ATAT1: variants seen among roughly 807,000 people sequenced by gnomAD.
ATAT1 encodes alpha tubulin acetyltransferase 1.
Under a neutral mutation model 57.2 loss-of-function variants are expected in ATAT1, and 42 were observed. That is an observed-to-expected ratio of 0.73 (90% CI 0.57 to 0.95). The LOEUF is 0.95. ATAT1 is among the 40% of genes least tolerant of loss of function. The pLI, the probability that ATAT1 is intolerant of heterozygous loss-of-function variation, is 0.00. For missense variants in ATAT1, 454 were observed against 523.7 expected (o/e 0.87, Z 1.30); for synonymous variants, 168 against 187.1 (o/e 0.90, Z 0.83).
At position 30,643,289 on chromosome 6, in the gene ATAT1, G is replaced by A. The variant is rs1434548462; in HGVS notation, c.932+278G>A. On this transcript the variant is annotated intron_variant, in intron 10 of 12. Coordinates refer to ENST00000330083, the MANE Select transcript of ATAT1 (RefSeq NM_001031722.4). ...AACACCGAGATCCATCGAGTTGGGGGAACAGAGCCTTCTAAGATTGGGAAA... is the reference window on the plus strand; with the variant it reads ...AACACCGAGATCCATCGAGTTGGGGAAACAGAGCCTTCTAAGATTGGGAAA... 7 of 1,421,740 alleles carry A rather than the reference G, an allele frequency of 4.9e-6. No individual in the cohort carries two copies. The African/African-American group carries it at 7.2e-5, about 15-fold the overall frequency. 88.1% of individuals were successfully genotyped at this position (1,421,740 alleles called of 1,614,324 possible).
At chr6:30,627,390 C>T in intron 1 of ATAT1, 70 bp from the exon 2 acceptor site, 1 of 1,599,894 alleles carries the variant, frequency 6.3e-7, no homozygotes, top group Non-Finnish European at 8.6e-7. Flanking sequence ...GGCCCAGGTT[C>T]CCAGGACTGA....
chr6:30,644,915 T>A (rs1766362830), intron 10 of ATAT1, among the ~76,000 whole-genome samples: 1 of 152,134 alleles, frequency 6.6e-6, no homozygotes, highest in African/African-American at 2.4e-5. Context: ...CCTCATTCCC[T>A]CCAGGAACCT....
intron 6 of ATAT1, among the ~76,000 whole-genome samples, chr6:30,629,015 C>T (rs1762274506): frequency 6.6e-6 from 1 of 151,570 alleles, no homozygotes; most frequent in Non-Finnish European, 1.5e-5. Flanking sequence ...ATACTCCTCC[C>T]TTAGCCTCCT....
At chr6:30,632,261 T>G (rs928387581) in intron 6 of ATAT1, among the ~76,000 whole-genome samples, 2 of 120,878 alleles carry the variant, frequency 1.7e-5, no homozygotes, top group African/African-American at 6.5e-5. Context: ...AGAGCAAGAC[T>G]CCTTCTTAAA....
intron 8 of ATAT1, among the ~76,000 whole-genome samples, chr6:30,641,136 CAA>C (rs1491089629): frequency 6.6e-6 from 1 of 151,968 alleles, no homozygotes; most frequent in Non-Finnish European, 1.5e-5. Flanking sequence ...CACACACACA[CAA>C]ACACACTTAC....
intron 8 of ATAT1, 145 bp downstream of exon 8, chr6:30,640,748 C>A: frequency 2.3e-6 from 2 of 871,650 alleles, no homozygotes; most frequent in Non-Finnish European, 3.5e-6. Context: ...TTTGCCTTTG[C>A]CCTCATGGGA....
At chr6:30,636,455 A>G (rs1764097231) in intron 6 of ATAT1, among the ~76,000 whole-genome samples, 1 of 152,028 alleles carries the variant, frequency 6.6e-6, no homozygotes, top group Non-Finnish European at 1.5e-5. Flanking sequence ...GCGTGGTGGC[A>G]GGCGCCTGTA....
chr6:30,628,197 G>A (rs1287519116), intron 5 of ATAT1, 52 bp downstream of exon 5: 1 of 1,566,356 alleles, frequency 6.4e-7, no homozygotes, highest in Non-Finnish European at 8.8e-7. Flanking sequence ...CCTTTGCCCT[G>A]AGCCCTTCCA....
intron 6 of ATAT1, among the ~76,000 whole-genome samples, chr6:30,630,537 G>A (rs1762627401): frequency 6.6e-6 from 1 of 152,092 alleles, no homozygotes; most frequent in Non-Finnish European, 1.5e-5. Context: ...CCAGGAGGCT[G>A]AGGCAGGAGA....
chr6:30,627,631 T>G lies in ATAT1; in HGVS notation c.133-5T>G. 1 of 1,612,884 alleles carries G rather than the reference T, an allele frequency of 6.2e-7. No individual in the cohort carries two copies. The highest frequency in any genetic ancestry group is 8.5e-7 in the Non-Finnish European group (1 of 1,179,874). On this transcript the variant is annotated splice_polypyrimidine_tract_variant and splice_region_variant and intron_variant, in intron 2 of 12. Transcript: ENST00000330083. Reference sequence around the variant, plus strand: ...GCAGAAAGTCTGACTTAATCTTCCCTGCAGGCCCAGAATCTTTCCGCTCCT... The same window carrying G: ...GCAGAAAGTCTGACTTAATCTTCCCGGCAGGCCCAGAATCTTTCCGCTCCT...
At chr6:30,640,757 G>A (rs372149056) in intron 8 of ATAT1, 154 bp downstream of exon 8, 146 of 772,988 alleles carry the variant, frequency 1.9e-4, no homozygotes, top group Admixed American at 1.7e-3. Flanking sequence ...GCCCTCATGG[G>A]AGCTCAGTGC....
intron 6 of ATAT1, among the ~76,000 whole-genome samples, chr6:30,629,484 TG>T (rs1762379573): frequency 6.6e-6 from 1 of 152,146 alleles, no homozygotes; most frequent in African/African-American, 2.4e-5. Context: ...CCTCAAGTGA[TG>T]TGCCCACCTC....
At chr6:30,643,239 G>T in intron 10 of ATAT1, 1 of 1,421,204 alleles carries the variant, frequency 7.0e-7, no homozygotes. Flanking sequence ...GCTTTAATGT[G>T]AGAGTTATGT....
chr6:30,639,554 G>A (rs1240385324), intron 6 of ATAT1, among the ~76,000 whole-genome samples: 3 of 150,084 alleles, frequency 2.0e-5, no homozygotes, highest in Non-Finnish European at 3.0e-5. Context: ...TCAGCTCACT[G>A]CAAGCTCTGC....
At chr6:30,645,755 T>A (rs1159013398) in intron 10 of ATAT1, 140 bp from the exon 11 acceptor site, 2 of 620,724 alleles carry the variant, frequency 3.2e-6, no homozygotes, top group South Asian at 3.5e-5. Context: ...ACAGCTTTGA[T>A]TAAAACCTGT....
chr6:30,643,114 G>A, intron 10 of ATAT1, 103 bp downstream of exon 10: 1 of 1,513,658 alleles, frequency 6.6e-7, no homozygotes, highest in Admixed American at 2.3e-5. Context: ...TCAATAAGAT[G>A]GGTGGCTTGG....
chr6:30,646,645 C>A lies in ATAT1; in HGVS notation c.*2C>A. ...CGTCGCAGCACCAGGCCTTGGTGAC[C>A]GCAGCCCCGTCAAACATCTTCAAAG... On this transcript the variant is annotated 3_prime_UTR_variant, in exon 13 of 13. Transcript: ENST00000330083. 1.9e-6 allele frequency: 3 copies of A among 1,552,212 alleles called. No homozygotes were observed. The highest frequency in any genetic ancestry group is 2.4e-5 in the East Asian group (1 of 41,606).
rs149615895 is a variant in ATAT1, at chr6:30,632,810, G to A, written c.501+4380G>A. The stretch of plus-strand genomic sequence containing the variant: ...AAATTAGCCAGGTGTGGTGGTGCTC[G>A]CCTGTAATCCCAGCTACTCGGGAGA... On this transcript the variant is annotated intron_variant, in intron 6 of 12. Coordinates refer to ENST00000330083, the MANE Select transcript of ATAT1 (RefSeq NM_001031722.4). 2.3e-3 allele frequency among the ~76,000 whole-genome samples: 342 copies of A among 151,830 alleles called. 3 individuals carry two copies. Among genetic ancestry groups the A allele is most frequent in the African/African-American group, 7.9e-3 (328 of 41,384 alleles).
At chr6:30,641,806 T>C (rs1487942745) in intron 8 of ATAT1, 4 of 1,055,224 alleles carry the variant, frequency 3.8e-6, no homozygotes, top group African/African-American at 1.7e-5. Context: ...AGGGTCCTCG[T>C]TGGCCCGGCT....
Sources: allele counts gnomAD v4.1 joint callset (sites outside exome capture counted in the v4.1 genomes callset), GRCh38; gene constraint gnomAD v4.1.1; transcripts MANE v1.5; gene names NCBI Gene and HGNC (gene_info 2026-07-23, HGNC 2026-07-21).